PPP2R1A: variants seen among roughly 807,000 people sequenced by gnomAD.
PPP2R1A encodes the protein protein phosphatase 2 scaffold subunit Aalpha.
PPP2R1A carries 15 observed loss-of-function variants against 67.1 expected under a neutral mutation model. The observed-to-expected ratio is 0.22, with a 90% confidence interval of 0.15 to 0.34. PPP2R1A has a LOEUF of 0.34. PPP2R1A is among the 10% of genes least tolerant of loss of function. PPP2R1A has a pLI of 1.00. For missense variants in PPP2R1A, 369 were observed against 775.0 expected, an observed-to-expected ratio of 0.48 and a Z score of 6.22; for synonymous variants, 337 against 325.0, an observed-to-expected ratio of 1.04 and a Z score of -0.40.
Position 52,219,765 on chromosome 19 carries a change from C to T in PPP2R1A, c.1203C>T (p.Ser401=). ...AGGTGATTGGCATCCGGCAGCTGTC[C>T]CAGTCCCTGCTCCCTGCCATTGTGG... The part of the protein sequence containing the change: ...VNEVIGIRQL[S]QSLLPAIVEL... The change falls in exon 10 of 15, where the codon TCC becomes TCT. Residue 401 remains serine (S), a synonymous_variant. Transcript: ENST00000322088. This position sits in a 1 kb window ranked among gnomAD's most constrained non-coding sequence, Gnocchi z 4.0. The T allele has an allele frequency of 1.2e-6, 2 of 1,614,074 alleles. No individual in the cohort carries two copies. The highest frequency in any genetic ancestry group is 2.2e-5 in the South Asian group (2 of 91,090).
rs977260581 is a variant in PPP2R1A at position 52,219,142 on chromosome 19, C to G, written c.1129-549C>G. Among the ~76,000 whole-genome samples, 5 of 152,348 alleles carry G rather than the reference C, an allele frequency of 3.3e-5. No homozygotes were observed. The highest frequency in any genetic ancestry group is 5.9e-5 in the Non-Finnish European group (4 of 68,030). On this transcript the variant is annotated intron_variant, in intron 9 of 14. Transcript: ENST00000322088. The surrounding 1 kb of genome is among the most constrained non-coding windows in gnomAD (Gnocchi z 4.0). ...CATGTTCAGCAGCTTGAGGCTCACA[C>G]AGCAAGGGCTGGAGCTGGGCAAGGG...
chr19:52,199,820 C>G (rs1245115770), intron 1 of PPP2R1A, among the ~76,000 whole-genome samples: 1 of 152,196 alleles, frequency 6.6e-6, no homozygotes, highest in Non-Finnish European at 1.5e-5. Context: ...TTTTATCTTT[C>G]TATAGGTCTG....
intron 1 of PPP2R1A, among the ~76,000 whole-genome samples, chr19:52,192,549 G>A (rs752349519): frequency 2.6e-4 from 39 of 152,046 alleles, no homozygotes; most frequent in Non-Finnish European, 3.5e-4. Flanking sequence ...CCTGATCTCA[G>A]GTGATCCTCC....
chr19:52,192,630 T>A (rs972481597), intron 1 of PPP2R1A, among the ~76,000 whole-genome samples: 4 of 152,136 alleles, frequency 2.6e-5, no homozygotes, highest in African/African-American at 9.7e-5. Context: ...TTGTTTTTTT[T>A]AACTCCAGGA....
intron 1 of PPP2R1A, among the ~76,000 whole-genome samples, chr19:52,190,547 G>T (rs2089444267): frequency 6.6e-6 from 1 of 152,246 alleles, no homozygotes; most frequent in African/African-American, 2.4e-5. Context: ...CGCATGACTT[G>T]CTCCAAGTAG....
intron 6 of PPP2R1A, among the ~76,000 whole-genome samples, chr19:52,215,116 C>T (rs1978486658): frequency 6.6e-6 from 1 of 152,158 alleles, no homozygotes; most frequent in Non-Finnish European, 1.5e-5. Flanking sequence ...AGTGCAGTGG[C>T]ACAGTCACGG....
Position 52,199,189 on chromosome 19 carries a change from C to G in PPP2R1A, c.79-2755C>G, listed in dbSNP as rs569762075. 1.7e-3 allele frequency among the ~76,000 whole-genome samples: 259 copies of G among 151,280 alleles called. 2 individuals carry two copies. Among genetic ancestry groups the G allele is most frequent in the South Asian group, 0.012 (57 of 4,770 alleles). On this transcript the variant is annotated intron_variant, in intron 1 of 14. Transcript: ENST00000322088. The stretch of plus-strand genomic sequence containing the variant: ...ATTTTATTTATTTATTTATTTGAGA[C>G]AGAGTCTCACTCTGTCACCCAGGCT...
At position 52,221,011 on chromosome 19, in the gene PPP2R1A, C is replaced by T. The variant is rs1978890581; in HGVS notation, c.1396C>T (p.Leu466=). ...YAIREAATSN[L]KKLVEKFGKE... ...CATCCGCGAGGCAGCCACCAGCAAC[C>T]TGAAGAAGCTAGTGGAAAAGTTTGG... The change falls in exon 12 of 15, where the codon CTG becomes TTG. Residue 466 remains leucine (L), a synonymous_variant. Transcript: ENST00000322088. 1 of 1,614,218 alleles carries T rather than the reference C, an allele frequency of 6.2e-7. No homozygotes were observed.
At chr19:52,192,943 A>G (rs2089467873) in intron 1 of PPP2R1A, among the ~76,000 whole-genome samples, 1 of 152,234 alleles carries the variant, frequency 6.6e-6, no homozygotes, top group Non-Finnish European at 1.5e-5. Flanking sequence ...TGGTTGTAAC[A>G]GAGATGGCCG....
intron 1 of PPP2R1A, among the ~76,000 whole-genome samples, chr19:52,192,566 G>A (rs1029652746): frequency 2.0e-5 from 3 of 151,948 alleles, no homozygotes; most frequent in African/African-American, 7.3e-5. Context: ...CTCCTGCCTC[G>A]GCCTCCGAAA....
chr19:52,193,070 A>G (rs529349430), intron 1 of PPP2R1A, among the ~76,000 whole-genome samples: 67 of 152,366 alleles, frequency 4.4e-4, no homozygotes, highest in African/African-American at 1.6e-3. Context: ...TACAGTACAG[A>G]GGAATATCAC....
At chr19:52,220,859 T>C in intron 11 of PPP2R1A, 120 bp from the exon 12 acceptor site, 1 of 1,208,028 alleles carries the variant, frequency 8.3e-7, no homozygotes, top group East Asian at 2.4e-5. Context: ...TCTCTTTGGC[T>C]CACATGCAGC....
intron 2 of PPP2R1A, among the ~76,000 whole-genome samples, chr19:52,204,782 C>G (rs895115702): frequency 6.6e-6 from 1 of 152,098 alleles, no homozygotes; most frequent in Non-Finnish European, 1.5e-5. Flanking sequence ...AAGGAAGAGG[C>G]AGAGATACTA....
chr19:52,198,750 C>T (rs959328677), intron 1 of PPP2R1A, among the ~76,000 whole-genome samples: 2 of 152,184 alleles, frequency 1.3e-5, no homozygotes, highest in Non-Finnish European at 2.9e-5. Flanking sequence ...GGCTGCCTGG[C>T]TTCATTGCTT....
At chr19:52,223,273 A>C (rs1026974263) in intron 13 of PPP2R1A, among the ~76,000 whole-genome samples, 3 of 152,246 alleles carry the variant, frequency 2.0e-5, no homozygotes, top group African/African-American at 7.2e-5. Flanking sequence ...ATGACAGACC[A>C]GAACCAGAAA....
chr19:52,197,691 C>T (rs1231177148), intron 1 of PPP2R1A, among the ~76,000 whole-genome samples: 2 of 151,850 alleles, frequency 1.3e-5, no homozygotes, highest in African/African-American at 4.8e-5. Context: ...ACAACAAGCA[C>T]AACAAAAAAG....
At position 52,216,455 on chromosome 19, in the gene PPP2R1A, A is replaced by T; in HGVS notation, c.994-74A>T. On this transcript the variant is annotated intron_variant, in intron 8 of 14. Transcript: ENST00000322088. The surrounding 1 kb of genome is among the most constrained non-coding windows in gnomAD (Gnocchi z 4.3). ...CAGAAGCAGGTTATTGTCTCTTAGGAGTTGGCATCTGCTTAGCCACTTGCT... is the reference window on the plus strand; with the variant it reads ...CAGAAGCAGGTTATTGTCTCTTAGGTGTTGGCATCTGCTTAGCCACTTGCT... 1.3e-6 allele frequency: 2 copies of T among 1,561,994 alleles called. No homozygotes were observed. The highest frequency in any genetic ancestry group is 1.8e-6 in the Non-Finnish European group (2 of 1,137,420).
rs1328391134 is a variant in PPP2R1A at position 52,213,739 on chromosome 19, A to G, written c.807+629A>G. On this transcript the variant is annotated intron_variant, in intron 6 of 14. Coordinates refer to ENST00000322088, the MANE Select transcript of PPP2R1A (RefSeq NM_014225.6). The surrounding 1 kb of genome is among the most constrained non-coding windows in gnomAD (Gnocchi z 4.2). The stretch of plus-strand genomic sequence containing the variant: ...GACCTCAAGCGATCCGCCTGCCTTC[A>G]TCTCCCAAAGTGCTGGGATTACAGG... 6.6e-6 allele frequency among the ~76,000 whole-genome samples: 1 copy of G among 151,758 alleles called. No individual in the cohort carries two copies.
intron 2 of PPP2R1A, among the ~76,000 whole-genome samples, chr19:52,204,043 G>A (rs2089577831): frequency 6.6e-6 from 1 of 152,166 alleles, no homozygotes; most frequent in African/African-American, 2.4e-5. Flanking sequence ...GAACCCTCTG[G>A]GTTTTTATGG....
Sources: allele counts gnomAD v4.1 joint callset (sites outside exome capture counted in the v4.1 genomes callset), GRCh38; gene constraint gnomAD v4.1.1; non-coding constraint Gnocchi (gnomAD v3.1); transcripts MANE v1.5; gene names NCBI Gene and HGNC (gene_info 2026-07-23, HGNC 2026-07-21).